The following ST6GALNAC3 variants were observed in gnomAD, a reference collection of about 807,000 sequenced individuals.
ST6GALNAC3 encodes the protein alpha-N-acetylgalactosaminide alpha-2,6-sialyltransferase 3.
A neutral mutation model predicts 32.7 loss-of-function variants in ST6GALNAC3; 25 were observed. The ratio of observed to expected loss-of-function variants is 0.76; its 90% CI spans 0.56 to 1.07. ST6GALNAC3 has a LOEUF of 1.07. Ranked by LOEUF, ST6GALNAC3 falls within the 50% of genes least tolerant of loss-of-function variation. The probability of loss-of-function intolerance (pLI) is 0.00; values close to 1 mark genes in which losing one functional copy is unlikely to be tolerated. For missense variants in ST6GALNAC3, 355 were observed against 382.4 expected (o/e 0.93, Z 0.60); for synonymous variants, 129 against 133.1 (o/e 0.97, Z 0.21).
intron 1 of ST6GALNAC3, among the ~76,000 whole-genome samples, chr1:76,275,642 T>G (rs1005179974): frequency 1.3e-5 from 2 of 152,192 alleles, no homozygotes; most frequent in Admixed American, 1.3e-4. Flanking sequence ...TTTGCCTTCC[T>G]GATTCTCTCT....
At chr1:76,155,792 A>G (rs1018112442) in intron 1 of ST6GALNAC3, among the ~76,000 whole-genome samples, 1 of 152,092 alleles carries the variant, frequency 6.6e-6, no homozygotes, top group East Asian at 1.9e-4. Flanking sequence ...TTTTTAACAT[A>G]TAGTTTCTCC....
At chr1:76,609,528 A>G (rs898776778) in intron 3 of ST6GALNAC3, among the ~76,000 whole-genome samples, 1 of 152,214 alleles carries the variant, frequency 6.6e-6, no homozygotes, top group Non-Finnish European at 1.5e-5. Context: ...TTAAATGGCT[A>G]ATACCATAAA....
intron 3 of ST6GALNAC3, among the ~76,000 whole-genome samples, chr1:76,468,995 G>T (rs1396970129): frequency 6.6e-6 from 1 of 151,894 alleles, no homozygotes; most frequent in Non-Finnish European, 1.5e-5. Flanking sequence ...TTCTCCCTTG[G>T]TGGTTTAAAA....
chr1:76,188,254 C>G (rs1277187113), intron 1 of ST6GALNAC3, among the ~76,000 whole-genome samples: 1 of 151,996 alleles, frequency 6.6e-6, no homozygotes, highest in South Asian at 2.1e-4. Flanking sequence ...CCCAGTTACT[C>G]AGGAGGTTGA....
At chr1:76,219,873 C>T (rs962004319) in intron 1 of ST6GALNAC3, among the ~76,000 whole-genome samples, 4 of 152,066 alleles carry the variant, frequency 2.6e-5, no homozygotes, top group African/African-American at 7.2e-5. Flanking sequence ...TTTCTAGACC[C>T]GAGGGGAGCG....
At chr1:76,408,433 C>T (rs141681845) in intron 2 of ST6GALNAC3, among the ~76,000 whole-genome samples, 1 of 152,148 alleles carries the variant, frequency 6.6e-6, no homozygotes, top group East Asian at 1.9e-4. Flanking sequence ...CCCTCAAAGC[C>T]GTTGCATTCA....
intron 2 of ST6GALNAC3, among the ~76,000 whole-genome samples, chr1:76,362,279 A>G (rs990478860): frequency 2.6e-5 from 4 of 152,148 alleles, no homozygotes; most frequent in Non-Finnish European, 5.9e-5. Context: ...ATGGTGTTAA[A>G]CTATTCAGGA....
At chr1:76,262,067 C>T (rs144319232) in intron 1 of ST6GALNAC3, among the ~76,000 whole-genome samples, 1 of 152,260 alleles carries the variant, frequency 6.6e-6, no homozygotes, top group African/African-American at 2.4e-5. Context: ...AGTGTCTGAG[C>T]TCTTAACCAC....
rs1055555345 is a variant in ST6GALNAC3 at position 76,201,634 on chromosome 1, G to T, written c.19-112171G>T. Among the ~76,000 whole-genome samples, 3 of 151,182 alleles carry T rather than the reference G, an allele frequency of 2.0e-5. No homozygotes were observed. The East Asian group carries it at 5.8e-4, about 29-fold the overall frequency. Reference sequence around the variant, plus strand: ...CTGCTTAGGAAGTCAGAATATAGGCGGTAGGGAGAAAAAACTGTTAAAAAA... The same window carrying T: ...CTGCTTAGGAAGTCAGAATATAGGCTGTAGGGAGAAAAAACTGTTAAAAAA... On this transcript the variant is annotated intron_variant, in intron 1 of 4. Coordinates refer to ENST00000328299, the MANE Select transcript of ST6GALNAC3 (RefSeq NM_152996.4).
intron 1 of ST6GALNAC3, among the ~76,000 whole-genome samples, chr1:76,263,043 A>G (rs999700429): frequency 6.6e-6 from 1 of 152,196 alleles, no homozygotes; most frequent in Non-Finnish European, 1.5e-5. Context: ...CTGAGCCACC[A>G]TGCTCCAGAT....
chr1:76,174,663 C>CTTTTTTTTTTT (rs59269306), intron 1 of ST6GALNAC3, among the ~76,000 whole-genome samples: 13 of 140,094 alleles, frequency 9.3e-5, no homozygotes, highest in South Asian at 6.6e-4. Flanking sequence ...TTTTTCTTTT[C>CTTTTTTTTTTT]TTTTTTTTTT....
chr1:76,344,226 T>C (rs1336784894), intron 2 of ST6GALNAC3, among the ~76,000 whole-genome samples: 1 of 152,172 alleles, frequency 6.6e-6, no homozygotes, highest in East Asian at 1.9e-4. Context: ...GCCAAGTACA[T>C]TGTTATAGGT....
chr1:76,308,376 G>A (rs904332941), intron 1 of ST6GALNAC3, among the ~76,000 whole-genome samples: 1 of 151,942 alleles, frequency 6.6e-6, no homozygotes, highest in Non-Finnish European at 1.5e-5. Context: ...TGATCTTAGG[G>A]GAATGACTGT....
At chr1:76,356,562 G>A (rs1649465311) in intron 2 of ST6GALNAC3, among the ~76,000 whole-genome samples, 1 of 149,872 alleles carries the variant, frequency 6.7e-6, no homozygotes, top group Non-Finnish European at 1.5e-5. Context: ...ATGAGGAAAA[G>A]TAAAGGGATG....
chr1:76,090,607 G>T (rs289692), intron 1 of ST6GALNAC3, among the ~76,000 whole-genome samples: 2 of 151,950 alleles, frequency 1.3e-5, no homozygotes, highest in Non-Finnish European at 2.9e-5. Flanking sequence ...AATATATTAC[G>T]ATCTTTGAAT....
At chr1:76,453,954 G>A (rs1255570643) in intron 3 of ST6GALNAC3, among the ~76,000 whole-genome samples, 2 of 151,996 alleles carry the variant, frequency 1.3e-5, no homozygotes, top group Non-Finnish European at 2.9e-5. Context: ...ATAAATTTAG[G>A]AGCTCCAGTG....
chr1:76,214,312 C>G (rs546817615), intron 1 of ST6GALNAC3, among the ~76,000 whole-genome samples: 1 of 152,286 alleles, frequency 6.6e-6, no homozygotes, highest in Non-Finnish European at 1.5e-5. Flanking sequence ...CAGTGCTGAC[C>G]TAGAGCTAGC....
chr1:76,200,404 C>A (rs975876140), intron 1 of ST6GALNAC3, among the ~76,000 whole-genome samples: 2 of 152,162 alleles, frequency 1.3e-5, no homozygotes, highest in Non-Finnish European at 2.9e-5. Context: ...GTTTCCAAGA[C>A]CCAGCTCATC....
Position 76,573,747 on chromosome 1 carries a change from C to A in ST6GALNAC3, c.624-53705C>A, listed in dbSNP as rs538983105. ...TGGAAAAGCATAAATAAAAAATAAA[C>A]ACATTTGTGAGTTTTTTATGCAGAT... On this transcript the variant is annotated intron_variant, in intron 3 of 4. Transcript: ENST00000328299. Among the ~76,000 whole-genome samples, 20 of 149,982 alleles carry A rather than the reference C, an allele frequency of 1.3e-4. 1 individual carries two copies. The South Asian group carries it at 4.0e-3, about 30-fold the overall frequency.
Sources: allele counts gnomAD v4.1 joint callset (sites outside exome capture counted in the v4.1 genomes callset), GRCh38; gene constraint gnomAD v4.1.1; transcripts MANE v1.5; gene names NCBI Gene and HGNC (gene_info 2026-07-23, HGNC 2026-07-21).